The following DDX24 variants were observed in gnomAD, a reference collection of about 807,000 sequenced individuals.
The protein encoded by DDX24 is ATP-dependent RNA helicase DDX24.
DDX24 carries 24 observed loss-of-function variants against 68.9 expected under a neutral mutation model. That is an observed-to-expected ratio of 0.35 (90% CI 0.25 to 0.49). The LOEUF (loss-of-function observed/expected upper bound fraction) is 0.49. Among genes scored for constraint, DDX24 ranks in the 20% least tolerant of loss-of-function variants. DDX24 has a pLI of 0.99. For synonymous variants in DDX24, 395 were observed against 385.2 expected, an observed-to-expected ratio of 1.03 and a Z score of -0.30; for missense variants, 989 against 1,039.0, an observed-to-expected ratio of 0.95 and a Z score of 0.66.
At position 94,060,944 on chromosome 14, in the gene DDX24, G is replaced by A. The variant is rs1445409722; in HGVS notation, c.1366C>T (p.His456Tyr). The change falls in exon 4 of 9, where the codon CAT (histidine) becomes TAT (tyrosine). Residue 456 changes from histidine (H) to tyrosine (Y), a missense_variant. Coordinates refer to ENST00000621632, the MANE Select transcript of DDX24 (RefSeq NM_020414.4). The part of the protein sequence containing the change: ...GRLWELIKEK[H>Y]YHLRNLRQLR... ...TGCCGAAGGTTCCTCAAATGATAAT[G>A]CTTTTCTTTAATTAATTCCCACAGC... 4 of 1,614,074 alleles carry A rather than the reference G, an allele frequency of 2.5e-6. No individual in the cohort carries two copies. In the Admixed American group the frequency reaches 5.0e-5, roughly 20 times the overall value.
At chr14:94,051,598 T>A in intron 8 of DDX24, 136 bp from the exon 9 acceptor site, 1 of 1,198,532 alleles carries the variant, frequency 8.3e-7, no homozygotes, top group Non-Finnish European at 1.1e-6. Flanking sequence ...CTGAAGAAGC[T>A]AGTGGTGGCT....
intron 2 of DDX24, among the ~76,000 whole-genome samples, chr14:94,075,572 T>A (rs1885921108): frequency 6.6e-6 from 1 of 152,124 alleles, no homozygotes; most frequent in South Asian, 2.1e-4. Flanking sequence ...ACAGGAGAAA[T>A]CTTTGTGATC....
intron 2 of DDX24, among the ~76,000 whole-genome samples, chr14:94,078,632 G>C (rs1885994289): frequency 1.3e-5 from 2 of 152,166 alleles, no homozygotes; most frequent in Middle Eastern, 3.4e-3. Context: ...CTCTCCAAAG[G>C]GCTGATCTTA....
rs868692248 is a variant in DDX24 at position 94,050,216 on chromosome 14, A to C, written c.*975T>G. The C allele has an allele frequency of 3.3e-5, 5 of 152,230 alleles. No homozygotes were observed. Among genetic ancestry groups the C allele is most frequent in the African/African-American group, 7.2e-5 (3 of 41,444 alleles). 9.4% of individuals were successfully genotyped at this position (152,230 alleles called of 1,614,324 possible). On this transcript the variant is annotated 3_prime_UTR_variant, in exon 9 of 9. Coordinates refer to ENST00000621632, the MANE Select transcript of DDX24 (RefSeq NM_020414.4). Reference sequence around the variant, plus strand: ...AGGAAGTCCCTAGTTCCCTGAGCACATATTTATACCAGGCTGACCAAGCCT... The same window carrying C: ...AGGAAGTCCCTAGTTCCCTGAGCACCTATTTATACCAGGCTGACCAAGCCT...
At chr14:94,053,265 T>C in intron 7 of DDX24, 138 bp from the exon 8 acceptor site, 3 of 1,110,940 alleles carry the variant, frequency 2.7e-6, no homozygotes, top group South Asian at 1.6e-5. Flanking sequence ...GGCATGATCA[T>C]GGCTCACTGC....
Position 94,051,394 on chromosome 14 carries a change from G to T in DDX24, c.2377C>A (p.Arg793Ser). 6.2e-7 allele frequency: 1 copy of T among 1,606,872 alleles called. No individual in the cohort carries two copies. The highest frequency in any genetic ancestry group is 1.3e-5 in the African/African-American group (1 of 74,664). Residue 793 changes from arginine to serine, a missense_variant, in exon 9 of 9, where the codon CGC (arginine) becomes AGC (serine). By Grantham distance (110) the Arg-to-Ser change is moderately radical (BLOSUM62 -1). Around this residue, in one of 3 missense-constraint regions of DDX24, gnomAD observed 691 missense variants for 760.0 expected, o/e 0.91. Transcript: ENST00000621632. ...AACAGTGGCTGGGACAGCAGGTGGCGCAGCTCCTTCTTCAGAACCTTCATC... is the reference window on the plus strand; with the variant it reads ...AACAGTGGCTGGGACAGCAGGTGGCTCAGCTCCTTCTTCAGAACCTTCATC... ...KQMKVLKKEL[R>S]HLLSQPLFTE...
intron 2 of DDX24, among the ~76,000 whole-genome samples, chr14:94,069,813 T>C (rs779162363): frequency 1.3e-5 from 2 of 152,128 alleles, no homozygotes; most frequent in African/African-American, 4.8e-5. Flanking sequence ...CAGCATCCCT[T>C]TACAATTAAA....
At chr14:94,071,029 AG>A (rs1885816947) in intron 2 of DDX24, among the ~76,000 whole-genome samples, 1 of 152,258 alleles carries the variant, frequency 6.6e-6, no homozygotes, top group Non-Finnish European at 1.5e-5. Context: ...ATTAAACTAA[AG>A]AGCTTCTGTA....
At chr14:94,061,188 T>G in intron 3 of DDX24, 122 bp from the exon 4 acceptor site, 1 of 1,153,196 alleles carries the variant, frequency 8.7e-7, no homozygotes, top group Non-Finnish European at 1.2e-6. Flanking sequence ...CCCTAGAGCA[T>G]TGCTAAAAGA....
At position 94,053,136 on chromosome 14, in the gene DDX24, A is replaced by G. The variant is rs1328539040; in HGVS notation, c.2179-9T>C. 4.3e-6 allele frequency: 7 copies of G among 1,613,506 alleles called. No homozygotes were observed. Among genetic ancestry groups the G allele is most frequent in the Non-Finnish European group, 5.9e-6 (7 of 1,179,906 alleles). On this transcript the variant is annotated splice_polypyrimidine_tract_variant and intron_variant, in intron 7 of 8. Transcript: ENST00000621632. The stretch of plus-strand genomic sequence containing the variant: ...GCTAAACGGATTCGCTCCTGGGGGG[A>G]AGTAACAGAAAATATTCATCTGAAA...
chr14:94,060,697 C>T, intron 4 of DDX24, 84 bp from the exon 5 acceptor site: 4 of 939,170 alleles, frequency 4.3e-6, no homozygotes, highest in South Asian at 2.1e-5. Context: ...TCATCCTAAA[C>T]ACACACACAC....
chr14:94,076,348 T>A (rs560842855), intron 2 of DDX24, among the ~76,000 whole-genome samples: 2 of 152,140 alleles, frequency 1.3e-5, no homozygotes, highest in South Asian at 4.1e-4. Context: ...TACCACCCCC[T>A]CCAGTACATA....
rs1412100514 is a variant in DDX24, at chr14:94,048,716, C to T, written c.*2475G>A. 6.6e-6 allele frequency: 1 copy of T among 152,104 alleles called. No homozygotes were observed. The highest frequency in any genetic ancestry group is 2.4e-5 in the African/African-American group (1 of 41,394). The allele number at this position is 152,104 out of a possible 1,614,324, so 9.4% of individuals were successfully genotyped here. A position where few individuals can be genotyped will look rare whatever the true frequency, so the allele number is the denominator to read the frequency against. ...GAAGCATGTCACCTTGGCAGTGACT[C>T]GGTGGCTTCCCAAGCAGGAGTGTCA... is the stretch of plus-strand genomic sequence containing the variant. On this transcript the variant is annotated 3_prime_UTR_variant, in exon 9 of 9. Coordinates refer to ENST00000621632, the MANE Select transcript of DDX24 (RefSeq NM_020414.4).
rs79529807 is a variant in DDX24, at chr14:94,054,261, T to C, written c.2178+735A>G. On this transcript the variant is annotated intron_variant, in intron 7 of 8. Coordinates refer to ENST00000621632, the MANE Select transcript of DDX24 (RefSeq NM_020414.4). ...ATGGGAATTCTCTATGATTTCCACTTTTCCATCCTTATCTCCACCCTATTT... is the reference window on the plus strand; with the variant it reads ...ATGGGAATTCTCTATGATTTCCACTCTTCCATCCTTATCTCCACCCTATTT... Among the ~76,000 whole-genome samples, 1,513 of 152,288 alleles carry C rather than the reference T, an allele frequency of 9.9e-3. 36 individuals carry two copies. The highest frequency in any genetic ancestry group is 0.095 in the East Asian group (492 of 5,174).
rs1396649187 is a variant in DDX24, at chr14:94,062,080, A to AT, written c.1243+16dup. On this transcript the variant is annotated intron_variant, in intron 3 of 8. Coordinates refer to ENST00000621632, the MANE Select transcript of DDX24 (RefSeq NM_020414.4). The stretch of plus-strand genomic sequence containing the variant: ...GATTTACCTAGAAAATATTTATTAA[A>AT]TGGAACTAAACCTCACCTGTAAACC... 1 of 1,574,770 alleles carries AT rather than the reference A, an allele frequency of 6.4e-7. No homozygotes were observed. The highest frequency in any genetic ancestry group is 1.9e-5 in the Admixed American group (1 of 52,558).
intron 2 of DDX24, 135 bp from the exon 3 acceptor site, chr14:94,062,756 C>T: frequency 9.3e-7 from 1 of 1,077,054 alleles, no homozygotes; most frequent in Non-Finnish European, 1.3e-6. Context: ...CTCCTCCACT[C>T]TACACAGATT....
intron 6 of DDX24, chr14:94,055,775 A>C (rs1885481194): frequency 6.6e-6 from 1 of 152,390 alleles, no homozygotes; most frequent in Non-Finnish European, 1.5e-5. Flanking sequence ...GCCTTTAGTG[A>C]CTTGCCCTCA....
Position 94,051,245 on chromosome 14 carries a change from CTT to C in DDX24, c.2524_2525del (p.Lys842GlufsTer25). The C allele has an allele frequency of 6.3e-7, 1 of 1,594,584 alleles. No individual in the cohort carries two copies. The highest frequency in any genetic ancestry group is 1.8e-5 in the Admixed American group (1 of 55,718). On this transcript the variant is annotated frameshift_variant, in exon 9 of 9. Transcript: ENST00000621632. LOFTEE classifies it low-confidence loss of function (END_TRUNC). ...CLSKQKKKKT[K>X]KPKEPQPEQP... is the part of the protein sequence containing the mutation. ...GTTCCGGCTGTGGCTCCTTCGGCTT[CTT>C]TGTCTTCTTCTTCTTCTGCTTGGAG...
intron 6 of DDX24, chr14:94,055,517 C>T: frequency 3.2e-6 from 1 of 311,604 alleles, no homozygotes; most frequent in South Asian, 9.3e-5. Flanking sequence ...GTTATACGGT[C>T]TCTACTCCTA....
Sources: allele counts gnomAD v4.1 joint callset (sites outside exome capture counted in the v4.1 genomes callset), GRCh38; gene constraint gnomAD v4.1.1; regional missense constraint gnomAD v4.1.1; transcripts MANE v1.5; gene names NCBI Gene and HGNC (gene_info 2026-07-23, HGNC 2026-07-21).